Variants in ZNF503 observed in about 807,000 individuals in gnomAD.
ZNF503 encodes zinc finger protein 503.
ZNF503 carries 15 observed loss-of-function variants against 34.4 expected under a neutral mutation model. The ratio of observed to expected loss-of-function variants is 0.44; its 90% CI spans 0.29 to 0.67. The LOEUF is 0.67. Ranked by LOEUF, ZNF503 falls within the 30% of genes least tolerant of loss-of-function variation. The probability of loss-of-function intolerance (pLI) is 0.13; values close to 1 mark genes in which losing one functional copy is unlikely to be tolerated. For missense variants in ZNF503, 1,007 were observed against 926.8 expected (o/e 1.09, Z -1.12); for synonymous variants, 580 against 456.8 (o/e 1.27, Z -3.44).
chr10:75,284,120 A>G, the ZNF503 span: 1 of 146,336 alleles, frequency 6.8e-6, no homozygotes, highest in African/African-American at 2.5e-5. Context: ...CCAATAAGTA[A>G]GCAAAGAAGG....
the ZNF503 span, among the ~76,000 whole-genome samples, chr10:75,316,227 A>G: frequency 3.3e-5 from 5 of 152,224 alleles, no homozygotes; most frequent in Non-Finnish European, 7.3e-5. Flanking sequence ...GATCAACCTC[A>G]TAGACATATT....
At chr10:75,382,792 C>T in the ZNF503 span, 1 of 315,464 alleles carries the variant, frequency 3.2e-6, no homozygotes, top group South Asian at 3.6e-5. Context: ...TTTAAGAAGA[C>T]TCCCAAATCC....
chr10:75,384,682 C>G, the ZNF503 span, among the ~76,000 whole-genome samples: 1 of 152,154 alleles, frequency 6.6e-6, no homozygotes, highest in Non-Finnish European at 1.5e-5. Flanking sequence ...GGCCATGGAG[C>G]CCTGTGCACC....
chr10:75,301,397 C>T, the ZNF503 span, among the ~76,000 whole-genome samples: 3 of 152,056 alleles, frequency 2.0e-5, no homozygotes, highest in African/African-American at 7.2e-5. Context: ...TGTGCCACCA[C>T]ACCCAGCTAA....
At position 75,400,078 on chromosome 10, in the gene ZNF503, A is replaced by ACCCCCG. The variant is rs757355455; in HGVS notation, c.606_611dup (p.Gly203_Gly204dup). On this transcript the variant is annotated inframe_insertion, in exon 2 of 2. Transcript: ENST00000372524. ...GGAATCCCGACTTCTCCGACGAAACACCCCCGCCGCCGCCCCCGCCACCGC... is the reference window on the plus strand; with the variant it reads ...GGAATCCCGACTTCTCCGACGAAACACCCCCGCCCCCGCCGCCGCCCCCGCCACCGC... The ACCCCCG allele has an allele frequency of 3.2e-5, 49 of 1,538,068 alleles. No homozygotes were observed. The South Asian group carries it at 5.3e-4, about 16-fold the overall frequency.
At chr10:75,382,664 C>T in the ZNF503 span, 5 of 352,434 alleles carry the variant, frequency 1.4e-5, no homozygotes, top group Non-Finnish European at 2.3e-5. Flanking sequence ...TACCTGAGTC[C>T]CCCATTCTGC....
At chr10:75,358,539 G>A in the ZNF503 span, 7 of 152,054 alleles carry the variant, frequency 4.6e-5, no homozygotes, top group Admixed American at 1.3e-4. Flanking sequence ...TGACCCAGTC[G>A]AAAATTCATT....
the ZNF503 span, among the ~76,000 whole-genome samples, chr10:75,318,415 A>G: frequency 6.6e-6 from 1 of 152,140 alleles, no homozygotes; most frequent in African/African-American, 2.4e-5. Context: ...TCACACCTGT[A>G]ATCCCAGCAC....
chr10:75,383,338 G>A, the ZNF503 span, among the ~76,000 whole-genome samples: 10 of 152,262 alleles, frequency 6.6e-5, no homozygotes, highest in African/African-American at 2.2e-4. Flanking sequence ...CATTCCTCCT[G>A]ATGTCTACCA....
the ZNF503 span, among the ~76,000 whole-genome samples, chr10:75,365,091 G>T: frequency 6.6e-6 from 1 of 152,222 alleles, no homozygotes; most frequent in African/African-American, 2.4e-5. Flanking sequence ...AGGAGGCACT[G>T]CTGGGTCTCG....
chr10:75,382,819 T>A, the ZNF503 span: 4 of 298,188 alleles, frequency 1.3e-5, no homozygotes, highest in African/African-American at 2.3e-5. Flanking sequence ...AATTCAGTAG[T>A]GGGTATTGGA....
In ZNF503 at chr10:75,401,442, C is replaced by T; in HGVS notation, c.-23G>A. 6.6e-7 allele frequency: 1 copy of T among 1,526,534 alleles called. No individual in the cohort carries two copies. 94.6% of individuals were successfully genotyped at this position (1,526,534 alleles called of 1,614,324 possible). Reference sequence around the variant, plus strand: ...CATGACCCACCCGCGCGCATGGGAGCAGCGGGGGGGAGGGCTCCGGGAGGC... The same window carrying T: ...CATGACCCACCCGCGCGCATGGGAGTAGCGGGGGGGAGGGCTCCGGGAGGC... On this transcript the variant is annotated 5_prime_UTR_variant, in exon 1 of 2. Transcript: ENST00000372524.
At chr10:75,313,219 C>T in the ZNF503 span, among the ~76,000 whole-genome samples, 1 of 152,112 alleles carries the variant, frequency 6.6e-6, no homozygotes, top group Non-Finnish European at 1.5e-5. Context: ...GGTTTTTTTG[C>T]AATTTGTCTC....
At chr10:75,319,157 G>C in the ZNF503 span, among the ~76,000 whole-genome samples, 2 of 152,128 alleles carry the variant, frequency 1.3e-5, no homozygotes, top group Admixed American at 6.6e-5. Flanking sequence ...GTAGAGACAG[G>C]GTTTTGCCAT....
the ZNF503 span, among the ~76,000 whole-genome samples, chr10:75,338,855 T>C: frequency 6.6e-6 from 1 of 152,242 alleles, no homozygotes; most frequent in Non-Finnish European, 1.5e-5. Context: ...GTGAGGCAGC[T>C]GCAATAGTTC....
the ZNF503 span, among the ~76,000 whole-genome samples, chr10:75,309,725 G>A: frequency 6.6e-6 from 1 of 152,104 alleles, no homozygotes; most frequent in African/African-American, 2.4e-5. Context: ...ATGGTGGTCT[G>A]GAACTGAACT....
the ZNF503 span, among the ~76,000 whole-genome samples, chr10:75,355,635 C>A: frequency 6.6e-6 from 1 of 152,198 alleles, no homozygotes; most frequent in Non-Finnish European, 1.5e-5. Flanking sequence ...TTCAGTTGGT[C>A]AATGATCTTC....
At chr10:75,322,532 A>G in the ZNF503 span, among the ~76,000 whole-genome samples, 1 of 152,108 alleles carries the variant, frequency 6.6e-6, no homozygotes, top group South Asian at 2.1e-4. Context: ...TTCTATGGAA[A>G]CAATGTTTAT....
chr10:75,378,831 C>T, the ZNF503 span, among the ~76,000 whole-genome samples: 1 of 151,948 alleles, frequency 6.6e-6, no homozygotes, highest in Admixed American at 6.6e-5. Context: ...GAGGGAAGGC[C>T]CCACAAGCAG....
Sources: gnomAD v4.1 joint callset for allele counts (sites outside exome capture counted in the v4.1 genomes callset) on GRCh38, gnomAD v4.1.1 for gene constraint, MANE v1.5 for transcripts, NCBI Gene and HGNC (gene_info 2026-07-23, HGNC 2026-07-21) for gene names.